RBFOX1: variants seen among roughly 807,000 people sequenced by gnomAD.
The protein encoded by RBFOX1 is RNA binding fox-1 homolog 1, also known as RNA binding protein fox-1 homolog 1.
Under a neutral mutation model 57.7 loss-of-function variants are expected in RBFOX1, and 8 were observed. The observed-to-expected ratio is 0.14, with a 90% CI of 0.08 to 0.25. RBFOX1 has a LOEUF of 0.25. RBFOX1 is among the 10% of genes least tolerant of loss of function. RBFOX1 has a pLI of 1.00. For missense variants in RBFOX1, 611 were observed against 548.5 expected (o/e 1.11, Z -1.14); for synonymous variants, 326 against 222.4 (o/e 1.47, Z -4.15).
intron 4 of RBFOX1, among the ~76,000 whole-genome samples, chr16:7,498,516 T>G: frequency 6.6e-6 from 1 of 152,204 alleles, no homozygotes; most frequent in East Asian, 1.9e-4. Context: ...TTTCAATATT[T>G]TATTCAAGCA....
At chr16:6,257,722 G>C (rs1598891506) in intron 1 of RBFOX1, among the ~76,000 whole-genome samples, 2 of 152,248 alleles carry the variant, frequency 1.3e-5, no homozygotes, top group Admixed American at 1.3e-4. Flanking sequence ...ATGGCCTCCA[G>C]CTCCTTCCAT....
intron 4 of RBFOX1, among the ~76,000 whole-genome samples, chr16:7,327,669 C>G (rs1203427386): frequency 6.6e-6 from 1 of 152,112 alleles, no homozygotes; most frequent in Non-Finnish European, 1.5e-5. Flanking sequence ...ACAGTGAGCT[C>G]CTGACCTGTG....
intron 4 of RBFOX1, among the ~76,000 whole-genome samples, chr16:7,469,522 C>A (rs1290579268): frequency 6.6e-6 from 1 of 152,104 alleles, no homozygotes; most frequent in African/African-American, 2.4e-5. Context: ...CATGTGGCAT[C>A]CTCCATAAAG....
intron 11 of RBFOX1, among the ~76,000 whole-genome samples, chr16:7,651,698 C>G (rs1212984461): frequency 6.6e-6 from 1 of 152,132 alleles, no homozygotes; most frequent in African/African-American, 2.4e-5. Flanking sequence ...AACCCCTGCC[C>G]CTTGAGAGGT....
In RBFOX1 at chr16:5,947,581, C is replaced by A. The variant is rs1032393936; in HGVS notation, c.351+80246C>A. Among the ~76,000 whole-genome samples the A allele has an allele frequency of 6.6e-6, 1 of 152,274 alleles. No homozygotes were observed. Among genetic ancestry groups the A allele is most frequent in the African/African-American group, 2.4e-5 (1 of 41,564 alleles). ...CAAGCAATTCTCACATATCAGCCTC[C>A]CAAAGTGCTGGGATTACATGCATGA... is the stretch of plus-strand genomic sequence containing the variant. On this transcript the variant is annotated intron_variant, in intron 4 of 19. Transcript: ENST00000641259. The surrounding 1 kb of genome is among the most constrained non-coding windows in gnomAD (Gnocchi z 7.2).
intron 4 of RBFOX1, among the ~76,000 whole-genome samples, chr16:7,192,585 G>C (rs2085686118): frequency 6.6e-6 from 1 of 152,140 alleles, no homozygotes; most frequent in African/African-American, 2.4e-5. Flanking sequence ...TCATAGAGGA[G>C]ATCCAGACAC....
chr16:6,200,283 C>T lies in RBFOX1; in HGVS notation c.-126-116712C>T, dbSNP rs537641258. 3.3e-5 allele frequency among the ~76,000 whole-genome samples: 5 copies of T among 152,280 alleles called. No individual in the cohort carries two copies. In the South Asian group the frequency reaches 1.0e-3, roughly 32 times the overall value. ...GACAAGAGGGTGGACGGTCTCTCTG[C>T]ATCCCTTTCCTCAAGCCTTTTGTTC... On this transcript the variant is annotated intron_variant, in intron 1 of 15. Coordinates refer to ENST00000550418, the MANE Select transcript of RBFOX1 (RefSeq NM_018723.4).
At chr16:6,531,807 A>T (rs1165795485) in intron 2 of RBFOX1, among the ~76,000 whole-genome samples, 1 of 152,190 alleles carries the variant, frequency 6.6e-6, no homozygotes, top group African/African-American at 2.4e-5. Flanking sequence ...TTTACGAAGG[A>T]GTGAAATTAG....
At chr16:5,330,475 T>G (rs1013091439) in intron 1 of RBFOX1, among the ~76,000 whole-genome samples, 2 of 152,152 alleles carry the variant, frequency 1.3e-5, no homozygotes, top group African/African-American at 4.8e-5. Flanking sequence ...TGACCTCGGC[T>G]CACTGCATCC....
At chr16:5,335,572 G>A (rs796466567) in intron 1 of RBFOX1, among the ~76,000 whole-genome samples, 10 of 152,290 alleles carry the variant, frequency 6.6e-5, no homozygotes, top group African/African-American at 2.2e-4. Context: ...GACTTTGATA[G>A]GCTTTGCTAT....
chr16:6,144,569 C>T (rs1465381650), intron 1 of RBFOX1, among the ~76,000 whole-genome samples: 4 of 152,208 alleles, frequency 2.6e-5, no homozygotes, highest in Non-Finnish European at 5.9e-5. Context: ...TTTCTGATAG[C>T]ATCCCATGTA....
At chr16:6,171,450 G>A (rs1270093801) in intron 1 of RBFOX1, among the ~76,000 whole-genome samples, 1 of 152,178 alleles carries the variant, frequency 6.6e-6, no homozygotes, top group East Asian at 1.9e-4. Context: ...TAGAACTAGA[G>A]CTCAACAGTG....
At chr16:6,805,624 T>C (rs13337054) in intron 3 of RBFOX1, among the ~76,000 whole-genome samples, 2,806 of 150,166 alleles carry the variant, frequency 0.019, 137 homozygotes, top group African/African-American at 0.067. Context: ...TTATTCCTGG[T>C]ATCTCTTCGA....
chr16:5,986,115 G>A (rs2060281474), intron 4 of RBFOX1, among the ~76,000 whole-genome samples: 1 of 150,214 alleles, frequency 6.7e-6, no homozygotes, highest in Admixed American at 6.7e-5. Flanking sequence ...CAGGCTGGGT[G>A]CAGTGGTGTA....
In RBFOX1 at chr16:6,806,568, A is replaced by G. The variant is rs561362597; in HGVS notation, c.-16+151918A>G. On this transcript the variant is annotated intron_variant, in intron 3 of 15. Transcript: ENST00000550418. ...AGTCTGTGGAGAAGAAATGGATTTT[A>G]AAGAGCCTGAACTAGTTCCCAGCAA... Among the ~76,000 whole-genome samples, 3 of 152,062 alleles carry G rather than the reference A, an allele frequency of 2.0e-5. No individual in the cohort carries two copies. In the East Asian group the frequency reaches 5.8e-4, roughly 29 times the overall value.
chr16:6,574,740 A>G (rs2097401404), intron 2 of RBFOX1, among the ~76,000 whole-genome samples: 1 of 142,990 alleles, frequency 7.0e-6, no homozygotes, highest in African/African-American at 2.6e-5. Flanking sequence ...ATCTTCTATT[A>G]AGAACCAGCA....
chr16:6,201,337 A>G lies in RBFOX1; in HGVS notation c.-126-115658A>G, dbSNP rs75287185. Among the ~76,000 whole-genome samples, 975 of 152,226 alleles carry G rather than the reference A, an allele frequency of 6.4e-3. 10 individuals carry two copies. The highest frequency in any genetic ancestry group is 0.022 in the African/African-American group (899 of 41,544). ...AGAGAGCCAGCAGAAGGATTGCTGG[A>G]TCATATGGTAGTTTTATTTTTAGTT... On this transcript the variant is annotated intron_variant, in intron 1 of 15. Transcript: ENST00000550418.
chr16:7,569,536 G>A (rs7195973), intron 5 of RBFOX1, among the ~76,000 whole-genome samples: 59,064 of 152,034 alleles, frequency 0.39, 11,872 homozygotes, highest in South Asian at 0.53. Flanking sequence ...GCCCACACAG[G>A]TAATCCAGGA....
chr16:7,665,061 G>C, intron 13 of RBFOX1, 93 bp downstream of exon 13: 1 of 1,610,504 alleles, frequency 6.2e-7, no homozygotes, highest in African/African-American at 1.3e-5. Context: ...TGGCGTAGTT[G>C]AGTTTCTCTC....
Sources: gnomAD v4.1 joint callset for allele counts (sites outside exome capture counted in the v4.1 genomes callset) on GRCh38, gnomAD v4.1.1 for gene constraint, Gnocchi (gnomAD v3.1) non-coding constraint, MANE v1.5 for transcripts, NCBI Gene and HGNC (gene_info 2026-07-23, HGNC 2026-07-21) for gene names.